Variants in NLRP1 observed in about 807,000 individuals in gnomAD.
NLRP1 encodes NLR family pyrin domain containing 1.
A neutral mutation model predicts 136.7 loss-of-function variants in NLRP1; 94 were observed. The ratio of observed to expected loss-of-function variants is 0.69; its 90% CI spans 0.58 to 0.82. The LOEUF (loss-of-function observed/expected upper bound fraction) is 0.82, where lower values mean the gene tolerates loss of function less well. NLRP1 is among the 40% of genes least tolerant of loss of function. The probability of loss-of-function intolerance (pLI) is 0.00; values close to 1 mark genes in which losing one functional copy is unlikely to be tolerated. For synonymous variants in NLRP1, 690 were observed against 725.1 expected, an observed-to-expected ratio of 0.95 and a Z score of 0.78; for missense variants, 1,575 against 1,802.7, an observed-to-expected ratio of 0.87 and a Z score of 2.29.
In NLRP1 at chr17:5,558,831, A is replaced by G; in HGVS notation, c.1865T>C (p.Ile622Thr). The change falls in exon 4 of 17, where the codon ATT (isoleucine) becomes ACT (threonine). Residue 622 changes from isoleucine (I) to threonine (T), a missense_variant. Transcript: ENST00000572272. Reference sequence around the variant, plus strand: ...AAAGAACTCTTGGAAACAGAGGTGAATGAAGCTGTAGCTCAGAGGGATGGG... The same window carrying G: ...AAAGAACTCTTGGAAACAGAGGTGAGTGAAGCTGTAGCTCAGAGGGATGGG... ...EHPIPLSYSF[I>T]HLCFQEFFAA... 1 of 1,614,230 alleles carries G rather than the reference A, an allele frequency of 6.2e-7. No individual in the cohort carries two copies. The highest frequency in any genetic ancestry group is 8.5e-7 in the Non-Finnish European group (1 of 1,180,032).
chr17:5,554,510 C>G (rs1002715098), intron 4 of NLRP1, among the ~76,000 whole-genome samples: 2 of 152,170 alleles, frequency 1.3e-5, no homozygotes, highest in Admixed American at 6.5e-5. Context: ...CCTAAGTCTG[C>G]AGAGCCATGT....
At chr17:5,562,427 A>G (rs1914864222) in intron 3 of NLRP1, among the ~76,000 whole-genome samples, 1 of 152,234 alleles carries the variant, frequency 6.6e-6, no homozygotes. Context: ...CTGTCTGCCA[A>G]CCACGGCCCC....
intron 3 of NLRP1, among the ~76,000 whole-genome samples, chr17:5,562,073 G>A (rs2151806679): frequency 6.6e-6 from 1 of 152,286 alleles, no homozygotes; most frequent in African/African-American, 2.4e-5. Flanking sequence ...ACTGCCCAGG[G>A]AAACACCCAG....
chr17:5,531,261 G>A (rs1446294121), intron 11 of NLRP1, among the ~76,000 whole-genome samples: 1 of 151,662 alleles, frequency 6.6e-6, no homozygotes. Flanking sequence ...TGTTGCCCAG[G>A]CTGGAGCGCA....
intron 16 of NLRP1, 53 bp from the exon 17 acceptor site, chr17:5,515,126 C>G: frequency 6.7e-7 from 1 of 1,502,170 alleles, no homozygotes; most frequent in Non-Finnish European, 9.2e-7. Context: ...CCAATCCCCA[C>G]CTTCAGTGCT....
downstream of NLRP1, among the ~76,000 whole-genome samples, chr17:5,512,981 G>A (rs1247649914): frequency 6.6e-6 from 1 of 152,164 alleles, no homozygotes; most frequent in African/African-American, 2.4e-5. Context: ...TCTGCATACA[G>A]TAAAATTACT....
At chr17:5,519,005 ATT>A (rs879327221) in intron 14 of NLRP1, among the ~76,000 whole-genome samples, 3 of 137,528 alleles carry the variant, frequency 2.2e-5, no homozygotes, top group African/African-American at 2.7e-5. Flanking sequence ...CTCCCGGCTA[ATT>A]TTTTTTTTTT....
rs759297923 is a variant in NLRP1, at chr17:5,501,848, T to G, written c.4094A>C (p.Asn1365Thr). 2 of 1,613,862 alleles carry G rather than the reference T, an allele frequency of 1.2e-6. 1 individual carries two copies. Among genetic ancestry groups the G allele is most frequent in the South Asian group, 2.2e-5 (2 of 91,076 alleles). ...CCTGGCGTCTCTGTTGCACCTGAGG[T>G]TCCACGGCTGGCTGGTGTTCCTTCC... Residue 1365 changes from asparagine to threonine, a missense_variant, in exon 16 of 16, where the codon AAC (asparagine) becomes ACC (threonine). Physicochemically the swap from Asn to Thr is moderately conservative, Grantham distance 65. Coordinates refer to the NLRP1 transcript ENST00000262467.
rs764434953 is a variant in NLRP1, at chr17:5,582,721, C to G, written c.397G>C (p.Glu133Gln). 2 of 1,614,184 alleles carry G rather than the reference C, an allele frequency of 1.2e-6. No homozygotes were observed. Among genetic ancestry groups the G allele is most frequent in the Non-Finnish European group, 1.7e-6 (2 of 1,180,030 alleles). ...GGCAGCTGTCTCAAAACCCTTCTCT[C>G]TGAGCCCTGGGTGCACCCCGCCGGC... ...ELPAGCTQGS[E>Q]RRVLRQLPDT... Residue 133 changes from glutamate to glutamine, a missense_variant, in exon 2 of 17, where the codon GAG (glutamate) becomes CAG (glutamine). Coordinates refer to ENST00000572272, the MANE Select transcript of NLRP1 (RefSeq NM_033004.4).
intron 15 of NLRP1, chr17:5,502,135 A>T: frequency 2.5e-6 from 1 of 406,002 alleles, no homozygotes; most frequent in South Asian, 2.4e-5. Context: ...GTAGGTACTC[A>T]GGTTTTTGCT....
At chr17:5,565,680 A>C (rs911029086) in intron 3 of NLRP1, among the ~76,000 whole-genome samples, 1 of 152,158 alleles carries the variant, frequency 6.6e-6, no homozygotes, top group Non-Finnish European at 1.5e-5. Context: ...TATTAAGGTA[A>C]TACTGGCCTC....
downstream of NLRP1, chr17:5,512,052 A>G (rs1907676176): frequency 1.5e-6 from 1 of 671,006 alleles, no homozygotes; most frequent in South Asian, 1.6e-5. Flanking sequence ...AAAAATTAAC[A>G]CCTTTAGGTA....
intron 5 of NLRP1, among the ~76,000 whole-genome samples, chr17:5,550,926 C>T (rs896416455): frequency 6.6e-6 from 1 of 152,038 alleles, no homozygotes; most frequent in Non-Finnish European, 1.5e-5. Context: ...ACAGCGAGTT[C>T]CCATATACTC....
intron 12 of NLRP1, among the ~76,000 whole-genome samples, chr17:5,525,876 C>T (rs1341735098): frequency 6.6e-6 from 1 of 152,198 alleles, no homozygotes; most frequent in Non-Finnish European, 1.5e-5. Context: ...GCAGCTTGAC[C>T]AATCTATCCA....
intron 5 of NLRP1, among the ~76,000 whole-genome samples, chr17:5,544,445 G>A (rs1446794877): frequency 6.6e-6 from 1 of 152,184 alleles, no homozygotes; most frequent in Non-Finnish European, 1.5e-5. Context: ...AGACATGTCT[G>A]GCTTGACATT....
Position 5,537,307 on chromosome 17 carries a change from T to C in NLRP1, c.2871-367A>G, listed in dbSNP as rs919973247. Among the ~76,000 whole-genome samples the C allele has an allele frequency of 2.6e-5, 4 of 152,184 alleles. No homozygotes were observed. Among genetic ancestry groups the C allele is most frequent in the Non-Finnish European group, 5.9e-5 (4 of 68,022 alleles). ...GATGTGGGCCTCCCCAGGAAGGAGA[T>C]GTGGCCTTGGGTGAGGTGGCTCTCA... On this transcript the variant is annotated intron_variant, in intron 7 of 16. Coordinates refer to ENST00000572272, the MANE Select transcript of NLRP1 (RefSeq NM_033004.4). The surrounding 1 kb of genome is among the most constrained non-coding windows in gnomAD (Gnocchi z 4.5).
rs1029780924 is a variant in NLRP1, at chr17:5,537,042, C to G, written c.2871-102G>C. 1.3e-5 allele frequency: 10 copies of G among 784,418 alleles called. No individual in the cohort carries two copies. Among genetic ancestry groups the G allele is most frequent in the Non-Finnish European group, 2.0e-5 (9 of 452,396 alleles). The allele number at this position is 784,418 out of a possible 1,614,324, so 48.6% of individuals were successfully genotyped here. ...GACCTGTCACCTTCTGAGGCAGCGG[C>G]CGCAGGGTGGGTTCCCTGGAAGCCA... On this transcript the variant is annotated intron_variant, in intron 7 of 16. Transcript: ENST00000572272. This position sits in a 1 kb window ranked among gnomAD's most constrained non-coding sequence, Gnocchi z 4.5.
chr17:5,513,486 C>T (rs879648010), downstream of NLRP1, among the ~76,000 whole-genome samples: 9 of 152,150 alleles, frequency 5.9e-5, no homozygotes, highest in Admixed American at 3.9e-4. Flanking sequence ...ATCAGGTGTT[C>T]GGACGGTTCA....
At chr17:5,578,391 A>C (rs1475275547) in intron 3 of NLRP1, among the ~76,000 whole-genome samples, 1 of 152,234 alleles carries the variant, frequency 6.6e-6, no homozygotes, top group Non-Finnish European at 1.5e-5. Context: ...CAGAATCTAC[A>C]AAGAACTCAA....
Sources: allele counts gnomAD v4.1 joint callset (sites outside exome capture counted in the v4.1 genomes callset), GRCh38; gene constraint gnomAD v4.1.1; non-coding constraint Gnocchi (gnomAD v3.1); transcripts MANE v1.5; gene names NCBI Gene and HGNC (gene_info 2026-07-23, HGNC 2026-07-21).